Variants in CTNNA2 observed in about 807,000 individuals in gnomAD.
CTNNA2 encodes catenin alpha-2.
A neutral mutation model predicts 101.0 loss-of-function variants in CTNNA2; 42 were observed. The ratio of observed to expected loss-of-function variants is 0.42; its 90% CI spans 0.32 to 0.54. The LOEUF is 0.54. Among genes scored for constraint, CTNNA2 ranks in the 20% least tolerant of loss-of-function variants. The pLI is 0.14. For synonymous variants in CTNNA2, 450 were observed against 456.4 expected (o/e 0.99, Z 0.18); for missense variants, 871 against 1,223.1 (o/e 0.71, Z 4.29).
chr2:79,518,067 C>T (rs28657992), intron 1 of CTNNA2, among the ~76,000 whole-genome samples: 2 of 152,114 alleles, frequency 1.3e-5, no homozygotes, highest in South Asian at 4.1e-4. Context: ...TAAATTTTTG[C>T]TGCGATGTCT....
Position 79,961,041 on chromosome 2 carries a change from C to T in CTNNA2, c.1056+51244C>T, listed in dbSNP as rs541836624. Among the ~76,000 whole-genome samples the T allele has an allele frequency of 1.8e-4, 27 of 151,946 alleles. No individual in the cohort carries two copies. The East Asian group carries it at 3.3e-3, about 19-fold the overall frequency. On this transcript the variant is annotated intron_variant, in intron 7 of 18. Transcript: ENST00000402739. ...AATAGAACTTAGATATTTCATTATG[C>T]GAATTAAAATTGTGGATGGATATAA...
At chr2:79,803,931 T>C (rs1306641266) in intron 3 of CTNNA2, among the ~76,000 whole-genome samples, 3 of 152,228 alleles carry the variant, frequency 2.0e-5, no homozygotes, top group East Asian at 1.9e-4. Context: ...TAGATACTTA[T>C]TGTTAGATGG....
chr2:79,894,527 A>G (rs1684565868), intron 6 of CTNNA2, among the ~76,000 whole-genome samples: 1 of 152,182 alleles, frequency 6.6e-6, no homozygotes, highest in Admixed American at 6.5e-5. Context: ...CACACATTGT[A>G]TTCCACATTC....
chr2:80,490,271 T>TA (rs1686937632), intron 9 of CTNNA2, among the ~76,000 whole-genome samples: 1 of 51,850 alleles, frequency 1.9e-5, no homozygotes, highest in Non-Finnish European at 3.3e-5. Context: ...TTTTTTTCCT[T>TA]CCCCCCCCAC....
At chr2:79,290,006 C>A (rs72818621) in intron 2 of CTNNA2, among the ~76,000 whole-genome samples, 3 of 152,036 alleles carry the variant, frequency 2.0e-5, no homozygotes, top group African/African-American at 7.2e-5. Flanking sequence ...AGGTTTATAA[C>A]AATTGAGATG....
intron 1 of CTNNA2, among the ~76,000 whole-genome samples, chr2:79,555,458 A>G (rs1238338536): frequency 6.6e-6 from 1 of 152,152 alleles, no homozygotes; most frequent in Non-Finnish European, 1.5e-5. Flanking sequence ...GAGTTTACAT[A>G]CTACGAATTT....
At chr2:79,543,918 G>A (rs150170465) in intron 1 of CTNNA2, among the ~76,000 whole-genome samples, 1 of 151,996 alleles carries the variant, frequency 6.6e-6, no homozygotes, top group Admixed American at 6.6e-5. Context: ...GGGAAGAGTT[G>A]GACAAAATTA....
rs1256907866 is a variant in CTNNA2, at chr2:80,264,982, T to G, written c.1057-128229T>G. ...GGGAAGGATAGGGAAGAGGTGTTTT[T>G]TTTTTTTTTTGAGGTGGAGTCTTGC... On this transcript the variant is annotated intron_variant, in intron 7 of 18. Coordinates refer to ENST00000402739, the MANE Select transcript of CTNNA2 (RefSeq NM_001282597.3). Among the ~76,000 whole-genome samples the G allele has an allele frequency of 2.0e-5, 3 of 151,714 alleles. No homozygotes were observed. The East Asian group carries it at 5.8e-4, about 29-fold the overall frequency.
intron 7 of CTNNA2, among the ~76,000 whole-genome samples, chr2:80,016,119 A>C (rs1694120735): frequency 6.6e-6 from 1 of 152,338 alleles, no homozygotes; most frequent in East Asian, 1.9e-4. Flanking sequence ...AAAAAAGAAC[A>C]TCTGAGCATT....
chr2:79,697,966 A>G (rs1048092561), intron 2 of CTNNA2: 1 of 152,030 alleles, frequency 6.6e-6, no homozygotes, highest in Non-Finnish European at 1.5e-5. Flanking sequence ...CAATGACAAA[A>G]CCATTCAACA....
chr2:80,228,908 C>G (rs990963527), intron 7 of CTNNA2, among the ~76,000 whole-genome samples: 3 of 152,138 alleles, frequency 2.0e-5, no homozygotes, highest in Non-Finnish European at 2.9e-5. Context: ...AACATAAACC[C>G]TGAGCTTTAT....
At chr2:80,646,769 G>T (rs192093558) in intron 18 of CTNNA2, among the ~76,000 whole-genome samples, 1 of 152,038 alleles carries the variant, frequency 6.6e-6, no homozygotes, top group African/African-American at 2.4e-5. Context: ...GACTTGTCTT[G>T]GCATTTTTAA....
intron 1 of CTNNA2, chr2:79,573,872 G>C (rs1204937287): frequency 6.6e-6 from 1 of 152,118 alleles, no homozygotes; most frequent in African/African-American, 2.4e-5. Flanking sequence ...GAAATTTTTG[G>C]ATGTCTTAAG....
chr2:79,489,038 T>C (rs555749980), intron 4 of CTNNA2, among the ~76,000 whole-genome samples: 1 of 152,294 alleles, frequency 6.6e-6, no homozygotes, highest in East Asian at 1.9e-4. Context: ...CCCCATTCTC[T>C]CCTTTATCGA....
chr2:80,355,933 C>CTTTTTTT (rs564774712), intron 7 of CTNNA2, among the ~76,000 whole-genome samples: 7 of 151,810 alleles, frequency 4.6e-5, no homozygotes, highest in South Asian at 4.2e-4. Context: ...TCACATTGTT[C>CTTTTTTT]TTTTTTTTCT....
At chr2:80,008,104 G>A (rs545750597) in intron 7 of CTNNA2, among the ~76,000 whole-genome samples, 41 of 152,200 alleles carry the variant, frequency 2.7e-4, no homozygotes, top group Non-Finnish European at 5.6e-4. Flanking sequence ...TAAAGTCCCT[G>A]CTCCTCTTCT....
intron 2 of CTNNA2, among the ~76,000 whole-genome samples, chr2:79,288,003 C>A (rs1436074271): frequency 6.6e-6 from 1 of 152,212 alleles, no homozygotes; most frequent in African/African-American, 2.4e-5. Flanking sequence ...GGGAGTGACC[C>A]GATTTTCCAG....
chr2:80,161,084 G>A lies in CTNNA2; in HGVS notation c.1057-232127G>A, dbSNP rs114199055. On this transcript the variant is annotated intron_variant, in intron 7 of 18. Coordinates refer to ENST00000402739, the MANE Select transcript of CTNNA2 (RefSeq NM_001282597.3). ...TTGAGACAGAGTCTCTCTCTCTGTC[G>A]CAAAGACTGCAGTGCAGGGATGTGA... Among the ~76,000 whole-genome samples, 1,339 of 152,030 alleles carry A rather than the reference G, an allele frequency of 8.8e-3. 23 individuals carry two copies. The highest frequency in any genetic ancestry group is 0.03 in the African/African-American group (1,237 of 41,484).
chr2:79,926,780 A>G lies in CTNNA2; in HGVS notation c.1056+16983A>G, dbSNP rs537531179. Among the ~76,000 whole-genome samples, 12 of 152,002 alleles carry G rather than the reference A, an allele frequency of 7.9e-5. No homozygotes were observed. The East Asian group carries it at 2.1e-3, about 27-fold the overall frequency. ...TATTGAGTGTTATGTTTTGGGAGTT[A>G]TACTAGATACAACAGTATTAAATAA... On this transcript the variant is annotated intron_variant, in intron 7 of 18. Coordinates refer to ENST00000402739, the MANE Select transcript of CTNNA2 (RefSeq NM_001282597.3).
Sources: gnomAD v4.1 joint callset for allele counts (sites outside exome capture counted in the v4.1 genomes callset) on GRCh38, gnomAD v4.1.1 for gene constraint, MANE v1.5 for transcripts, NCBI Gene and HGNC (gene_info 2026-07-23, HGNC 2026-07-21) for gene names.